Variants in BCAP31 observed in about 807,000 individuals in gnomAD.
BCAP31 encodes B cell receptor associated protein 31, also known as B-cell receptor-associated protein 31.
For synonymous variants in BCAP31, 75 were observed against 80.9 expected (o/e 0.93, Z 0.39); for missense variants, 124 against 193.0 (o/e 0.64, Z 2.12).
chrX:153,706,604 C>A (rs1268206141), intron 4 of BCAP31, among the ~76,000 whole-genome samples: 1 of 112,891 alleles, frequency 8.9e-6, no homozygotes, highest in Admixed American at 9.3e-5. Context: ...CCACTCTTAT[C>A]CCCGAAAGGG....
At chrX:153,720,609 C>T (rs925352869) in intron 3 of BCAP31, among the ~76,000 whole-genome samples, 1 of 111,788 alleles carries the variant, frequency 8.9e-6, no homozygotes, top group Non-Finnish European at 1.9e-5. Context: ...GGTGATCCAC[C>T]GACCTCAGCC....
At chrX:153,702,326 A>G in intron 6 of BCAP31, 1 of 368,670 alleles carries the variant, frequency 2.7e-6, no homozygotes, top group East Asian at 4.9e-5. Flanking sequence ...AAAGAAACAC[A>G]GAGGCCATCC....
intron 3 of BCAP31, among the ~76,000 whole-genome samples, chrX:153,719,447 T>G (rs1398034111): frequency 8.9e-6 from 1 of 112,647 alleles, no homozygotes; most frequent in Non-Finnish European, 1.9e-5. Flanking sequence ...CTCAGGCAGC[T>G]GGCACCTACC....
intron 3 of BCAP31, among the ~76,000 whole-genome samples, chrX:153,716,560 A>G (rs1344185813): frequency 2.1e-4 from 20 of 96,025 alleles, no homozygotes; most frequent in Admixed American, 5.7e-4. Flanking sequence ...TGGGCAACAC[A>G]GGGAGACTCT....
chrX:153,719,522 C>T (rs1487582451), intron 3 of BCAP31, among the ~76,000 whole-genome samples: 2 of 111,970 alleles, frequency 1.8e-5, no homozygotes, highest in Non-Finnish European at 3.8e-5. Context: ...CTGAACATAT[C>T]CTATCAGGCT....
intron 7 of BCAP31, 150 bp from the exon 8 acceptor site, chrX:153,701,125 C>T: frequency 4.0e-6 from 2 of 503,473 alleles, no homozygotes; most frequent in Non-Finnish European, 6.7e-6. Flanking sequence ...TCCCCAGCTG[C>T]ACCCAAAGGC....
intron 3 of BCAP31, among the ~76,000 whole-genome samples, chrX:153,720,265 G>A (rs965973284): frequency 1.8e-5 from 2 of 110,498 alleles, no homozygotes; most frequent in South Asian, 3.8e-4. Flanking sequence ...AACCTTAGGC[G>A]TCCCTCCTTC....
intron 5 of BCAP31, 46 bp from the exon 6 acceptor site, chrX:153,703,104 G>A: frequency 8.3e-7 from 1 of 1,201,214 alleles, no homozygotes; most frequent in Non-Finnish European, 1.1e-6. Flanking sequence ...GGGAGGGAGG[G>A]AGAGGTTCCA....
intron 4 of BCAP31, among the ~76,000 whole-genome samples, chrX:153,709,939 G>A (rs1188354980): frequency 1.8e-5 from 2 of 112,638 alleles, no homozygotes; most frequent in African/African-American, 3.2e-5. Context: ...CCTGGGACCC[G>A]AGGACAGCGC....
intron 1 of BCAP31, chrX:153,723,813 G>T: frequency 1.3e-6 from 1 of 758,672 alleles, no homozygotes. Flanking sequence ...GGCGCCCGCG[G>T]AGAGAAACCG....
intron 3 of BCAP31, among the ~76,000 whole-genome samples, chrX:153,719,685 G>A (rs782140174): frequency 9.0e-6 from 1 of 111,728 alleles, no homozygotes; most frequent in African/African-American, 3.3e-5. Context: ...ACAGCTCTGA[G>A]ACAAGAGTGG....
At chrX:153,723,709 G>C in intron 1 of BCAP31, 3 of 1,136,868 alleles carry the variant, frequency 2.6e-6, no homozygotes, top group African/African-American at 1.8e-5. Context: ...CGCAGAGGCG[G>C]GCGCTCTGCG....
Position 153,702,964 on chromosome X carries a change from A to G in BCAP31, c.572T>C (p.Leu191Pro). The G allele has an allele frequency of 8.3e-7, 1 of 1,210,021 alleles. No homozygotes were observed. The highest frequency in any genetic ancestry group is 1.1e-6 in the Non-Finnish European group (1 of 895,232). ...CTTAGTGCTGGCCAGCTCGTCCTTTAGCTTCTGCAGGTCAGCCTTCAGGCT... is the reference window on the plus strand; with the variant it reads ...CTTAGTGCTGGCCAGCTCGTCCTTTGGCTTCTGCAGGTCAGCCTTCAGGCT... ...NRSLKADLQK[L>P]KDELASTKQK... Residue 191 changes from leucine to proline, a missense_variant, in exon 6 of 8, where the codon CTA (leucine) becomes CCA (proline). By Grantham distance (98) the Leu-to-Pro change is moderately conservative. Coordinates refer to ENST00000345046, the MANE Select transcript of BCAP31 (RefSeq NM_001256447.2).
intron 4 of BCAP31, among the ~76,000 whole-genome samples, chrX:153,715,125 C>T (rs1603227801): frequency 8.9e-6 from 1 of 111,985 alleles, no homozygotes; most frequent in East Asian, 2.8e-4. Context: ...CCAGCCTCTT[C>T]GTGCCACTTT....
At chrX:153,710,585 G>A (rs373150079) in intron 4 of BCAP31, among the ~76,000 whole-genome samples, 2 of 112,066 alleles carry the variant, frequency 1.8e-5, no homozygotes, top group East Asian at 5.6e-4. Context: ...AAGCTCAGAA[G>A]GCTTTGGCTG....
At chrX:153,723,788 TC>T in intron 1 of BCAP31, 1 of 853,126 alleles carries the variant, frequency 1.2e-6, no homozygotes, top group Non-Finnish European at 1.6e-6. Flanking sequence ...CGCCCCCGCC[TC>T]CCACCGTCCC....
chrX:153,703,054 G>A lies in BCAP31; in HGVS notation c.482C>T (p.Ala161Val). 1 of 1,209,493 alleles carries A rather than the reference G, an allele frequency of 8.3e-7. No individual in the cohort carries two copies. The highest frequency in any genetic ancestry group is 1.7e-5 in the African/African-American group (1 of 57,878). The change falls in exon 6 of 8, where the codon GCT becomes GTT. Residue 161 changes from alanine to valine, a missense_variant. Coordinates refer to ENST00000345046, the MANE Select transcript of BCAP31 (RefSeq NM_001256447.2). Reference sequence around the variant, plus strand: ...ATCCAACTTGCCTCCGTCAACAGCAGCTCCCTGGGAAAAGTGCCAAAGGCC... The same window carrying A: ...ATCCAACTTGCCTCCGTCAACAGCAACTCCCTGGGAAAAGTGCCAAAGGCC... ...MEENDQLKKG[A>V]AVDGGKLDVG...
chrX:153,713,253 T>C (rs2091604933), intron 4 of BCAP31, among the ~76,000 whole-genome samples: 1 of 111,101 alleles, frequency 9.0e-6, no homozygotes, highest in African/African-American at 3.3e-5. Context: ...TATGTGTGGA[T>C]AGAGCCAATC....
chrX:153,716,326 T>C (rs2091627298), intron 3 of BCAP31, among the ~76,000 whole-genome samples: 1 of 109,813 alleles, frequency 9.1e-6, no homozygotes. Context: ...CCTTTTCCCA[T>C]GGTACCCTCA....
Sources: gnomAD v4.1 joint callset for allele counts (sites outside exome capture counted in the v4.1 genomes callset) on GRCh38, gnomAD v4.1.1 for gene constraint, MANE v1.5 for transcripts, NCBI Gene and HGNC (gene_info 2026-07-23, HGNC 2026-07-21) for gene names.